The following COBLL1 variants were observed in gnomAD, a reference collection of about 807,000 sequenced individuals.
COBLL1 encodes the protein cordon-bleu WH2 repeat protein like 1, also known as cordon-bleu protein-like 1.
In COBLL1, 50 loss-of-function variants were observed where a neutral mutation model predicts 94.8. The observed-to-expected ratio is 0.53, with a 90% confidence interval of 0.42 to 0.67. The LOEUF (loss-of-function observed/expected upper bound fraction) is 0.67, where lower values mean the gene tolerates loss of function less well. Ranked by LOEUF, COBLL1 falls within the 30% of genes least tolerant of loss-of-function variation. The pLI is 0.00. For missense variants in COBLL1, 1,362 were observed against 1,348.7 expected (o/e 1.01, Z -0.15); for synonymous variants, 448 against 473.8 (o/e 0.95, Z 0.71).
chr2:164,671,941 G>T (rs138376040), intron 1 of COBLL1, among the ~76,000 whole-genome samples: 183 of 152,240 alleles, frequency 1.2e-3, no homozygotes, highest in Non-Finnish European at 2.4e-3. Flanking sequence ...TGCATTGCAG[G>T]GGAAAGAAAG....
intron 9 of COBLL1, among the ~76,000 whole-genome samples, chr2:164,701,232 C>T (rs754057189): frequency 6.6e-6 from 1 of 152,004 alleles, no homozygotes; most frequent in Non-Finnish European, 1.5e-5. Context: ...TACCTGAGCC[C>T]CCTTTAAAAA....
intron 2 of COBLL1, among the ~76,000 whole-genome samples, chr2:164,794,575 T>C (rs894550023): frequency 1.3e-5 from 2 of 152,094 alleles, no homozygotes; most frequent in Non-Finnish European, 2.9e-5. Context: ...GACATTTCGG[T>C]GACCCTTTAC....
rs531281425 is a variant in COBLL1 at position 164,840,303 on chromosome 2, TG to T, written c.41+852del. Among the ~76,000 whole-genome samples, 341 of 152,148 alleles carry T rather than the reference TG, an allele frequency of 2.2e-3. 3 individuals are homozygous for T. The highest frequency in any genetic ancestry group is 7.9e-3 in the African/African-American group (329 of 41,416). On this transcript the variant is annotated intron_variant, in intron 2 of 13. Transcript: ENST00000652658. ...ACACTTATGCTGGGGGGAAAAATCT[TG>T]TACTACATCAAACGAGTTTCCTACT...
intron 2 of COBLL1, among the ~76,000 whole-genome samples, chr2:164,824,462 T>C (rs1486645333): frequency 1.3e-5 from 2 of 152,128 alleles, no homozygotes; most frequent in African/African-American, 4.8e-5. Flanking sequence ...AAACAATGAT[T>C]TCAAGATATT....
intron 2 of COBLL1, among the ~76,000 whole-genome samples, chr2:164,801,008 C>T (rs1415806044): frequency 6.6e-6 from 1 of 152,120 alleles, no homozygotes; most frequent in Non-Finnish European, 1.5e-5. Flanking sequence ...GTTAAAACTC[C>T]TAGCACTGGA....
chr2:164,692,121 C>T (rs1233036305), intron 13 of COBLL1, 100 bp downstream of exon 13: 2 of 1,017,102 alleles, frequency 2.0e-6, no homozygotes. Flanking sequence ...ACTTTGGGAA[C>T]CCTATTTAGA....
At chr2:164,770,629 A>G (rs538930069) in intron 2 of COBLL1, among the ~76,000 whole-genome samples, 1 of 152,270 alleles carries the variant, frequency 6.6e-6, no homozygotes, top group Non-Finnish European at 1.5e-5. Flanking sequence ...ATGTATAAAC[A>G]CCGTAAAATC....
At position 164,710,934 on chromosome 2, in the gene COBLL1, T is replaced by C. The variant is rs1313448141; in HGVS notation, c.997-5829A>G. 3.9e-5 allele frequency among the ~76,000 whole-genome samples: 6 copies of C among 152,156 alleles called. No homozygotes were observed. In the East Asian group the frequency reaches 9.6e-4, roughly 24 times the overall value. On this transcript the variant is annotated intron_variant, in intron 7 of 13. Transcript: ENST00000652658. ...TATGCTCCAAAGAGTCTCCCAATAG[T>C]TCTGCTCTTGCATTCATCAGAGCTA...
intron 3 of COBLL1, among the ~76,000 whole-genome samples, chr2:164,734,334 A>G (rs1432496046): frequency 6.6e-6 from 1 of 152,238 alleles, no homozygotes; most frequent in Non-Finnish European, 1.5e-5. Flanking sequence ...AAGTACAAAA[A>G]CCCTGAGGCA....
At chr2:164,687,079 C>T (rs777808300) in intron 13 of COBLL1, among the ~76,000 whole-genome samples, 1 of 152,162 alleles carries the variant, frequency 6.6e-6, no homozygotes, top group African/African-American at 2.4e-5. Flanking sequence ...GAGTGATTGA[C>T]GCTACACACC....
intron 13 of COBLL1, among the ~76,000 whole-genome samples, chr2:164,687,126 A>C (rs560489600): frequency 6.6e-6 from 1 of 152,320 alleles, no homozygotes; most frequent in East Asian, 1.9e-4. Flanking sequence ...CACCAGCAGA[A>C]GGGAAAACTC....
At position 164,703,325 on chromosome 2, in the gene COBLL1, T is replaced by A. The variant is rs141663720; in HGVS notation, c.1225+1119A>T. The A allele has an allele frequency of 4.8e-5, 34 of 709,256 alleles. No homozygotes were observed. The East Asian group carries it at 8.4e-4, about 18-fold the overall frequency. The allele number at this position is 709,256 out of a possible 1,614,324, so 43.9% of individuals were successfully genotyped here. A position where few individuals can be genotyped will look rare whatever the true frequency, so the allele number is the denominator to read the frequency against. ...AGAAATCAGATTTGTTAGCTCACAA[T>A]TATCCATGCATTAAATAAGAAGAGG... On this transcript the variant is annotated intron_variant, in intron 9 of 13. Coordinates refer to ENST00000652658, the MANE Select transcript of COBLL1 (RefSeq NM_001365672.2).
At chr2:164,819,783 C>A (rs1038953742) in intron 2 of COBLL1, among the ~76,000 whole-genome samples, 19 of 151,090 alleles carry the variant, frequency 1.3e-4, no homozygotes, top group Non-Finnish European at 2.8e-4. Flanking sequence ...TAAAAAAGAA[C>A]ATGTAGTTTT....
chr2:164,725,419 ATTTTTT>A (rs1685677369), intron 5 of COBLL1, among the ~76,000 whole-genome samples: 3 of 152,010 alleles, frequency 2.0e-5, no homozygotes, highest in Middle Eastern at 6.8e-3. Flanking sequence ...AATATTTTTT[ATTTTTT>A]ATTTATTTTT....
chr2:164,785,228 A>G (rs1359086553), intron 2 of COBLL1, among the ~76,000 whole-genome samples: 4 of 152,144 alleles, frequency 2.6e-5, no homozygotes, highest in Non-Finnish European at 5.9e-5. Flanking sequence ...ATCTTTACTA[A>G]AAATACAAAA....
chr2:164,681,257 T>C lies in COBLL1; in HGVS notation c.*4689A>G, dbSNP rs1683029371. ...TACACATCAGAGTAAACTGGGGGCC[T>C]GGCTCTTAGGTGATCTAGGCTGGCC... is the stretch of plus-strand genomic sequence containing the variant. On this transcript the variant is annotated 3_prime_UTR_variant, in exon 14 of 14. Coordinates refer to ENST00000652658, the MANE Select transcript of COBLL1 (RefSeq NM_001365672.2). 2.0e-5 allele frequency: 3 copies of C among 152,188 alleles called. No homozygotes were observed. Among genetic ancestry groups the C allele is most frequent in the Admixed American group, 1.3e-4 (2 of 15,266 alleles). 9.4% of individuals were successfully genotyped at this position (152,188 alleles called of 1,614,324 possible).
intron 2 of COBLL1, among the ~76,000 whole-genome samples, chr2:164,822,729 ATATTATATTATTATTATTATTAT>A (rs1478155926): frequency 4.3e-5 from 3 of 69,318 alleles, no homozygotes; most frequent in African/African-American, 2.0e-4. Context: ...TGAAAAGATT[ATATTATATTATTATTATTATTAT>A]TATTATTATT....
intron 2 of COBLL1, among the ~76,000 whole-genome samples, chr2:164,769,512 T>C (rs1172178898): frequency 6.6e-6 from 1 of 152,212 alleles, no homozygotes; most frequent in Admixed American, 6.5e-5. Flanking sequence ...ATATATTTTA[T>C]ATTCCTGTTT....
chr2:164,669,630 CA>C (rs1292514389), intron 1 of COBLL1, among the ~76,000 whole-genome samples: 1 of 152,120 alleles, frequency 6.6e-6, no homozygotes, highest in African/African-American at 2.4e-5. Context: ...TGGATGTACC[CA>C]ATTGGGAACA....
Sources: allele counts gnomAD v4.1 joint callset (sites outside exome capture counted in the v4.1 genomes callset), GRCh38; gene constraint gnomAD v4.1.1; transcripts MANE v1.5; gene names NCBI Gene and HGNC (gene_info 2026-07-23, HGNC 2026-07-21).